Variants in ACTN1 observed in about 807,000 individuals in gnomAD.
The protein encoded by ACTN1 is alpha-actinin-1.
In ACTN1, 30 loss-of-function variants were observed where a neutral mutation model predicts 119.6. The ratio of observed to expected loss-of-function variants is 0.25; its 90% CI spans 0.19 to 0.34. The LOEUF (loss-of-function observed/expected upper bound fraction) is 0.34. ACTN1 is among the 10% of genes least tolerant of loss of function. ACTN1 has a pLI of 1.00. For synonymous variants in ACTN1, 429 were observed against 472.6 expected (o/e 0.91, Z 1.20); for missense variants, 764 against 1,223.4 (o/e 0.62, Z 5.60).
At chr14:68,932,633 C>T (rs942832632) in intron 1 of ACTN1, among the ~76,000 whole-genome samples, 1 of 148,936 alleles carries the variant, frequency 6.7e-6, no homozygotes. Context: ...TCCCAAAGTG[C>T]TGGTTACAGG....
intron 3 of ACTN1, among the ~76,000 whole-genome samples, chr14:68,918,446 C>T (rs1256242121): frequency 2.6e-5 from 4 of 151,404 alleles, no homozygotes; most frequent in South Asian, 4.2e-4. Flanking sequence ...ATTAGCCAGG[C>T]GTGGTGGTGG....
intron 1 of ACTN1, among the ~76,000 whole-genome samples, chr14:68,960,199 G>A (rs770207585): frequency 3.9e-5 from 6 of 152,122 alleles, no homozygotes; most frequent in Non-Finnish European, 5.9e-5. Context: ...GGAGGAAGGG[G>A]AGGCAGGAGA....
At chr14:68,940,127 C>G (rs1162959789) in intron 1 of ACTN1, among the ~76,000 whole-genome samples, 4 of 152,234 alleles carry the variant, frequency 2.6e-5, no homozygotes, top group Non-Finnish European at 5.9e-5. Context: ...TAACCCCTCC[C>G]CCATGTCTGG....
intron 1 of ACTN1, among the ~76,000 whole-genome samples, chr14:68,951,018 G>A (rs1228748152): frequency 6.6e-6 from 1 of 152,220 alleles, no homozygotes; most frequent in African/African-American, 2.4e-5. Flanking sequence ...GCACCAGCCT[G>A]CCTGCAGAAG....
At chr14:68,887,971 GT>G in intron 11 of ACTN1, 1 of 790,668 alleles carries the variant, frequency 1.3e-6, no homozygotes, top group Non-Finnish European at 2.3e-6. Flanking sequence ...TCACTGCTGC[GT>G]TTTTCGGCTT....
At chr14:68,924,469 T>G (rs1354066472) in intron 2 of ACTN1, among the ~76,000 whole-genome samples, 5 of 152,168 alleles carry the variant, frequency 3.3e-5, no homozygotes. Flanking sequence ...TTTTTGGGAA[T>G]AGTTAGTTGA....
chr14:68,978,914 G>A (rs763227627), intron 1 of ACTN1, 38 bp downstream of exon 1: 1 of 1,415,994 alleles, frequency 7.1e-7, no homozygotes, highest in Admixed American at 2.1e-5. Flanking sequence ...CTGGGGGCTG[G>A]GGGCTGGGGG....
chr14:68,890,325 G>A (rs756508200), intron 10 of ACTN1, 39 bp from the exon 11 acceptor site: 6 of 1,608,032 alleles, frequency 3.7e-6, no homozygotes, highest in Non-Finnish European at 4.3e-6. Context: ...GTCTGGCTTG[G>A]GCCTAGGCTT....
chr14:68,973,828 G>C (rs1177256400), intron 1 of ACTN1: 1 of 152,306 alleles, frequency 6.6e-6, no homozygotes. Context: ...TGTGGGGGCT[G>C]ACCCATCTGC....
rs191189596 is a variant in ACTN1 at position 68,879,728 on chromosome 14, T to C, written c.2280+234A>G. 5.3e-4 allele frequency: 267 copies of C among 502,854 alleles called. 1 individual carries two copies. Among genetic ancestry groups the C allele is most frequent in the Non-Finnish European group, 7.2e-4 (203 of 283,530 alleles). 31.1% of individuals were successfully genotyped at this position (502,854 alleles called of 1,614,324 possible). ...AGGATCAGGGGTCAAAGGTCCTCTTTCTACCCACAGTCTGAACACTCTCTC... is the reference window on the plus strand; with the variant it reads ...AGGATCAGGGGTCAAAGGTCCTCTTCCTACCCACAGTCTGAACACTCTCTC... On this transcript the variant is annotated intron_variant, in intron 18 of 21. Transcript: ENST00000394419. The surrounding 1 kb of genome is among the most constrained non-coding windows in gnomAD (Gnocchi z 4.9).
chr14:68,971,014 A>G (rs1305476560), intron 1 of ACTN1, among the ~76,000 whole-genome samples: 1 of 152,258 alleles, frequency 6.6e-6, no homozygotes, highest in Non-Finnish European at 1.5e-5. Context: ...ACAAATGTTA[A>G]AAATGCGCCA....
At position 68,922,737 on chromosome 14, in the gene ACTN1, G is replaced by A. The variant is rs149710078; in HGVS notation, c.221-1612C>T. Among the ~76,000 whole-genome samples, 12 of 152,388 alleles carry A rather than the reference G, an allele frequency of 7.9e-5. No individual in the cohort carries two copies. The East Asian group carries it at 2.3e-3, about 29-fold the overall frequency. The stretch of plus-strand genomic sequence containing the variant: ...GTCAGTCAGCACAAAATCACCTGGA[G>A]AACTGGCTAATCTGTGGCTGTCCAG... On this transcript the variant is annotated intron_variant, in intron 2 of 21. Coordinates refer to ENST00000394419, the MANE Select transcript of ACTN1 (RefSeq NM_001130004.2).
intron 1 of ACTN1, among the ~76,000 whole-genome samples, chr14:68,969,614 C>G (rs1023594018): frequency 9.9e-5 from 15 of 152,170 alleles, no homozygotes; most frequent in African/African-American, 3.6e-4. Context: ...CAGCCAAACG[C>G]TGACAGACAG....
At chr14:68,950,475 T>TATATATATATATATATATATATAA (rs1566667512) in intron 1 of ACTN1, among the ~76,000 whole-genome samples, 1 of 149,450 alleles carries the variant, frequency 6.7e-6, no homozygotes, top group African/African-American at 2.5e-5. Context: ...TATATATATA[T>TATATATATATATATATATATATAA]ATAAATCAAA....
Position 68,902,101 on chromosome 14 carries a change from G to A in ACTN1, c.762+376C>T, listed in dbSNP as rs558915596. On this transcript the variant is annotated intron_variant, in intron 8 of 21. Coordinates refer to ENST00000394419, the MANE Select transcript of ACTN1 (RefSeq NM_001130004.2). ...TTGCCCTTCTAAGGGAGCTCCAGCT[G>A]CTCTATCGAGCCAGTGGCTTCAACA... Among the ~76,000 whole-genome samples, 3 of 152,344 alleles carry A rather than the reference G, an allele frequency of 2.0e-5. No individual in the cohort carries two copies. In the East Asian group the frequency reaches 5.8e-4, roughly 29 times the overall value.
At chr14:68,884,978 G>A (rs1566596758) in intron 12 of ACTN1, 95 bp from the exon 13 acceptor site, 1 of 1,039,378 alleles carries the variant, frequency 9.6e-7, no homozygotes, top group Non-Finnish European at 1.5e-6. Flanking sequence ...GGCTGGTGGT[G>A]CTGGGAAGAG....
At chr14:68,923,118 C>G (rs2034738801) in intron 2 of ACTN1, among the ~76,000 whole-genome samples, 1 of 152,234 alleles carries the variant, frequency 6.6e-6, no homozygotes, top group African/African-American at 2.4e-5. Context: ...ATCATGAGGA[C>G]AAGCCCGGCT....
chr14:68,942,326 A>G (rs1284047003), intron 1 of ACTN1, among the ~76,000 whole-genome samples: 1 of 152,064 alleles, frequency 6.6e-6, no homozygotes, highest in East Asian at 1.9e-4. Flanking sequence ...GGCTGCAGTG[A>G]GCCATAATCA....
intron 7 of ACTN1, 60 bp from the exon 8 acceptor site, chr14:68,902,622 C>T (rs1056599583): frequency 9.1e-6 from 13 of 1,436,308 alleles, no homozygotes; most frequent in East Asian, 2.3e-5. Context: ...ACACCCCCGA[C>T]GTGAGGCAGA....
Sources: gnomAD v4.1 joint callset for allele counts (sites outside exome capture counted in the v4.1 genomes callset) on GRCh38, gnomAD v4.1.1 for gene constraint, Gnocchi (gnomAD v3.1) non-coding constraint, MANE v1.5 for transcripts, NCBI Gene and HGNC (gene_info 2026-07-23, HGNC 2026-07-21) for gene names.